Variants in IFT88 observed in about 807,000 individuals in gnomAD.
IFT88 encodes the protein intraflagellar transport 88.
A neutral mutation model predicts 119.5 loss-of-function variants in IFT88; 74 were observed. The ratio of observed to expected loss-of-function variants is 0.62; its 90% CI spans 0.51 to 0.75. IFT88 has a LOEUF of 0.75. Ranked by LOEUF, IFT88 falls within the 30% of genes least tolerant of loss-of-function variation. The pLI is 0.00. For synonymous variants in IFT88, 279 were observed against 316.7 expected (o/e 0.88, Z 1.26); for missense variants, 961 against 977.7 (o/e 0.98, Z 0.23).
chr13:20,652,549 GA>G (rs1250665379), intron 20 of IFT88, among the ~76,000 whole-genome samples: 3 of 151,988 alleles, frequency 2.0e-5, no homozygotes, highest in Non-Finnish European at 4.4e-5. Context: ...CCGGGAAGGG[GA>G]GGTTACAGTG....
chr13:20,605,974 C>T (rs1223457925), intron 13 of IFT88, among the ~76,000 whole-genome samples: 1 of 152,166 alleles, frequency 6.6e-6, no homozygotes, highest in Non-Finnish European at 1.5e-5. Context: ...AACCTGGAAA[C>T]TCTCTGAACT....
intron 20 of IFT88, among the ~76,000 whole-genome samples, chr13:20,652,316 C>G (rs780030052): frequency 1.4e-4 from 21 of 152,150 alleles, no homozygotes; most frequent in Non-Finnish European, 2.9e-4. Flanking sequence ...TATATGAAGA[C>G]TATCTCAGTA....
At chr13:20,572,310 C>G (rs1051241545) in intron 1 of IFT88, among the ~76,000 whole-genome samples, 7 of 152,060 alleles carry the variant, frequency 4.6e-5, no homozygotes, top group Admixed American at 2.0e-4. Context: ...CCTCTGCCTC[C>G]TGGGTTCAAG....
At chr13:20,620,753 A>G (rs1594299112) in intron 14 of IFT88, among the ~76,000 whole-genome samples, 1 of 152,136 alleles carries the variant, frequency 6.6e-6, no homozygotes, top group East Asian at 1.9e-4. Context: ...TTTAGTAGAG[A>G]TGGGGTTTCA....
chr13:20,678,278 A>G (rs1251950687), intron 24 of IFT88, among the ~76,000 whole-genome samples: 1 of 152,230 alleles, frequency 6.6e-6, no homozygotes, highest in African/African-American at 2.4e-5. Context: ...GGAGACCCTA[A>G]CCCAGCAGTG....
At chr13:20,578,886 C>CT (rs1156769101) in intron 2 of IFT88, among the ~76,000 whole-genome samples, 2 of 152,128 alleles carry the variant, frequency 1.3e-5, no homozygotes, top group South Asian at 2.1e-4. Flanking sequence ...TGTAATGTCC[C>CT]TTTTTTATCT....
intron 20 of IFT88, among the ~76,000 whole-genome samples, chr13:20,653,070 G>A (rs539083998): frequency 2.0e-5 from 3 of 152,272 alleles, no homozygotes; most frequent in South Asian, 4.1e-4. Context: ...GAGGTAACAG[G>A]TTTTAAGGAG....
chr13:20,613,127 G>T (rs1056212933), intron 13 of IFT88, among the ~76,000 whole-genome samples: 5 of 152,212 alleles, frequency 3.3e-5, no homozygotes, highest in African/African-American at 1.2e-4. Flanking sequence ...TACTTCAGAG[G>T]ACGCTATCCA....
intron 22 of IFT88, among the ~76,000 whole-genome samples, chr13:20,661,388 C>T (rs1303534718): frequency 1.3e-5 from 2 of 152,054 alleles, no homozygotes; most frequent in African/African-American, 2.4e-5. Context: ...GAAAATGTAG[C>T]AGATTGAAGA....
intron 2 of IFT88, among the ~76,000 whole-genome samples, chr13:20,580,691 A>G (rs1410195064): frequency 6.6e-6 from 1 of 151,870 alleles, no homozygotes; most frequent in East Asian, 1.9e-4. Context: ...AAATGGAATT[A>G]ATGGATCATG....
intron 25 of IFT88, 48 bp downstream of exon 25, chr13:20,690,863 G>T: frequency 6.8e-7 from 1 of 1,462,216 alleles, no homozygotes; most frequent in African/African-American, 1.4e-5. Flanking sequence ...GTCTGAAGAA[G>T]AATGGTGAGA....
At chr13:20,669,924 A>G (rs1291042797) in intron 23 of IFT88, among the ~76,000 whole-genome samples, 1 of 152,208 alleles carries the variant, frequency 6.6e-6, no homozygotes, top group African/African-American at 2.4e-5. Context: ...TAATGGAAAA[A>G]AAATTGGATA....
At chr13:20,652,870 A>G (rs953820815) in intron 20 of IFT88, among the ~76,000 whole-genome samples, 3 of 152,196 alleles carry the variant, frequency 2.0e-5, no homozygotes, top group Non-Finnish European at 2.9e-5. Flanking sequence ...CTAAGCAGAC[A>G]TGGTGGTGTA....
intron 19 of IFT88, among the ~76,000 whole-genome samples, chr13:20,643,839 C>T (rs2050327125): frequency 6.6e-6 from 1 of 152,174 alleles, no homozygotes; most frequent in South Asian, 2.1e-4. Flanking sequence ...CTGCAGCCTC[C>T]TCCTCCTGGG....
Position 20,690,771 on chromosome 13 carries a change from C to T in IFT88, c.2309C>T (p.Pro770Leu), listed in dbSNP as rs745550205. The T allele has an allele frequency of 1.2e-6, 2 of 1,613,822 alleles. No individual in the cohort carries two copies. Among genetic ancestry groups the T allele is most frequent in the Non-Finnish European group, 1.7e-6 (2 of 1,179,762 alleles). Residue 770 changes from proline (P) to leucine (L), a missense_variant, in exon 25 of 26, where the codon CCT (proline) becomes CTT (leucine). Coordinates refer to ENST00000351808, the MANE Select transcript of IFT88 (RefSeq NM_006531.5). ...ERLSARLRAL[P>L]GTNEPYESSS... is the part of the protein sequence containing the mutation. ...CTAAGTGCCAGACTCAGAGCTTTACCTGGGACAAATGAACCTTATGAAAGT... is the reference window on the plus strand; with the variant it reads ...CTAAGTGCCAGACTCAGAGCTTTACTTGGGACAAATGAACCTTATGAAAGT...
chr13:20,644,851 G>A lies in IFT88; in HGVS notation c.1842G>A (p.Arg614=), dbSNP rs1308291155. Residue 614 remains arginine (R), a synonymous_variant, in exon 20 of 26, where the codon AGG becomes AGA. Transcript: ENST00000351808. ...CCATATTTGTTTTACAGTCATATAG[G>A]TATTTTCCTTGTAATATTGAAGTCA... ...QAFQYYYESY[R]YFPCNIEVIE... 5.3e-6 allele frequency: 8 copies of A among 1,497,654 alleles called. No individual in the cohort carries two copies. Among genetic ancestry groups the A allele is most frequent in the South Asian group, 2.3e-5 (2 of 85,392 alleles). 92.8% of individuals were successfully genotyped at this position (1,497,654 alleles called of 1,614,324 possible).
chr13:20,649,416 G>C (rs940320445), intron 20 of IFT88, among the ~76,000 whole-genome samples: 3 of 152,136 alleles, frequency 2.0e-5, no homozygotes, highest in South Asian at 2.1e-4. Context: ...GATCAAATAT[G>C]AAATCACCAG....
At chr13:20,644,150 T>G (rs1282810343) in intron 19 of IFT88, among the ~76,000 whole-genome samples, 1 of 152,066 alleles carries the variant, frequency 6.6e-6, no homozygotes, top group East Asian at 1.9e-4. Flanking sequence ...GAGGATTGCT[T>G]AAGACCAAGA....
chr13:20,624,373 G>A (rs116837187), intron 14 of IFT88, among the ~76,000 whole-genome samples: 3 of 152,252 alleles, frequency 2.0e-5, no homozygotes, highest in African/African-American at 7.2e-5. Flanking sequence ...CACGTGTTCA[G>A]CTATCCGGAA....
Sources: allele counts gnomAD v4.1 joint callset (sites outside exome capture counted in the v4.1 genomes callset), GRCh38; gene constraint gnomAD v4.1.1; transcripts MANE v1.5; gene names NCBI Gene and HGNC (gene_info 2026-07-23, HGNC 2026-07-21).